SUSD1: variants seen among roughly 807,000 people sequenced by gnomAD.
The protein encoded by SUSD1 is sushi domain containing 1.
A neutral mutation model predicts 86.9 loss-of-function variants in SUSD1; 65 were observed. The ratio of observed to expected loss-of-function variants is 0.75; its 90% CI spans 0.61 to 0.92. SUSD1 has a LOEUF of 0.92. SUSD1 is among the 40% of genes least tolerant of loss of function. SUSD1 has a pLI of 0.00. For missense variants in SUSD1, 850 were observed against 929.7 expected (o/e 0.91, Z 1.11); for synonymous variants, 346 against 350.0 (o/e 0.99, Z 0.13).
At chr9:112,062,649 C>T (rs1047193961) in intron 13 of SUSD1, among the ~76,000 whole-genome samples, 2 of 151,944 alleles carry the variant, frequency 1.3e-5, no homozygotes, top group Admixed American at 1.3e-4. Flanking sequence ...GAGCTGAGAT[C>T]GCAACACTGT....
intron 3 of SUSD1, chr9:112,146,001 A>C (rs1832794247): frequency 6.6e-6 from 1 of 152,154 alleles, no homozygotes; most frequent in African/African-American, 2.4e-5. Context: ...CCTGAGCTTG[A>C]TGTTGACTCT....
intron 6 of SUSD1, among the ~76,000 whole-genome samples, chr9:112,119,590 A>C (rs759863888): frequency 2.0e-5 from 3 of 152,220 alleles, no homozygotes; most frequent in Non-Finnish European, 4.4e-5. Flanking sequence ...TCATTAACTC[A>C]GATTCTAAAC....
intron 8 of SUSD1, among the ~76,000 whole-genome samples, chr9:112,110,683 GC>G (rs1215581028): frequency 1.3e-5 from 2 of 150,824 alleles, no homozygotes; most frequent in African/African-American, 4.9e-5. Flanking sequence ...GAGTCACCGT[GC>G]CCCACCTGTC....
chr9:112,045,286 CT>C (rs1478490018), intron 15 of SUSD1, among the ~76,000 whole-genome samples: 2 of 152,090 alleles, frequency 1.3e-5, no homozygotes, highest in African/African-American at 4.8e-5. Flanking sequence ...GTATTTTTTC[CT>C]CTACACTTTA....
intron 1 of SUSD1, among the ~76,000 whole-genome samples, chr9:112,166,367 T>A (rs952118211): frequency 6.6e-6 from 1 of 152,166 alleles, no homozygotes; most frequent in South Asian, 2.1e-4. Context: ...CCAAGACAGC[T>A]GGTCATGCTT....
chr9:112,169,669 G>A lies in SUSD1; in HGVS notation c.103+5464C>T, dbSNP rs111377085. Among the ~76,000 whole-genome samples the A allele has an allele frequency of 6.1e-3, 900 of 146,772 alleles. 8 individuals are homozygous for A. The highest frequency in any genetic ancestry group is 0.021 in the African/African-American group (845 of 40,968). On this transcript the variant is annotated intron_variant, in intron 1 of 16. Transcript: ENST00000374270. ...CATACCTGATTCATTCTCCAGAAGG[G>A]TGTACCTTTTTTTTTTTTTTTTGAG...
chr9:112,164,931 C>T (rs1033942560), intron 1 of SUSD1, among the ~76,000 whole-genome samples: 2 of 152,104 alleles, frequency 1.3e-5, no homozygotes, highest in Admixed American at 1.3e-4. Context: ...GGCGACAGAG[C>T]GAAACTCAGT....
intron 12 of SUSD1, among the ~76,000 whole-genome samples, chr9:112,078,074 G>C (rs1829596648): frequency 6.6e-6 from 1 of 152,086 alleles, no homozygotes; most frequent in East Asian, 1.9e-4. Flanking sequence ...GCTGGGCGCA[G>C]TGGCTTACAC....
At chr9:112,108,774 C>CAAAAAAAAAAAAAAAAAA (rs11312103) in intron 8 of SUSD1, among the ~76,000 whole-genome samples, 3 of 68,600 alleles carry the variant, frequency 4.4e-5, no homozygotes, top group Non-Finnish European at 6.2e-5. Context: ...CTGGGTGTCT[C>CAAAAAAAAAAAAAAAAAA]AAAAAAAAAA....
intron 8 of SUSD1, among the ~76,000 whole-genome samples, chr9:112,107,465 T>C (rs890096268): frequency 1.3e-5 from 2 of 151,496 alleles, no homozygotes; most frequent in Admixed American, 6.6e-5. Context: ...AGTAAATAAA[T>C]AAATAAATAG....
At chr9:112,041,581 A>T (rs1300023934) in intron 16 of SUSD1, 89 bp from the exon 17 acceptor site, 1 of 773,460 alleles carries the variant, frequency 1.3e-6, no homozygotes, top group East Asian at 2.4e-5. Flanking sequence ...TCACACGCAC[A>T]CCCATGGGAG....
chr9:112,091,159 G>A (rs1031890970), intron 10 of SUSD1, among the ~76,000 whole-genome samples: 3 of 151,988 alleles, frequency 2.0e-5, no homozygotes, highest in Non-Finnish European at 4.4e-5. Context: ...CCAACTACAA[G>A]TATGGGTTTC....
At position 112,149,368 on chromosome 9, in the gene SUSD1, A is replaced by C. The variant is rs759090688; in HGVS notation, c.249T>G (p.Leu83=). 1.2e-6 allele frequency: 2 copies of C among 1,614,156 alleles called. No individual in the cohort carries two copies. The highest frequency in any genetic ancestry group is 1.7e-6 in the Non-Finnish European group (2 of 1,180,038). Residue 83 remains leucine (L), a synonymous_variant, in exon 3 of 17, where the codon CTT becomes CTG. Transcript: ENST00000374270. ...DKNECQFGAT[L]VCGNHTSCHN... ...GGCAAGATGTGTGGTTCCCACAGACAAGAGTGGCTCCAAACTGGCACTCAT... is the reference window on the plus strand; with the variant it reads ...GGCAAGATGTGTGGTTCCCACAGACCAGAGTGGCTCCAAACTGGCACTCAT...
chr9:112,086,614 A>G (rs1013826228), intron 10 of SUSD1, among the ~76,000 whole-genome samples: 1 of 151,770 alleles, frequency 6.6e-6, no homozygotes, highest in Admixed American at 6.6e-5. Context: ...CACTGACTAC[A>G]AGGAAAGGAT....
Position 112,070,099 on chromosome 9 carries a change from G to A in SUSD1, c.1754-7066C>T, listed in dbSNP as rs138831036. Among the ~76,000 whole-genome samples the A allele has an allele frequency of 3.9e-4, 59 of 152,106 alleles. 1 individual carries two copies. Among genetic ancestry groups the A allele is most frequent in the South Asian group, 2.1e-3 (10 of 4,818 alleles). Reference sequence around the variant, plus strand: ...CAGCTCACTGCAGCCTCCGCCTCCCGGGCTCAAGCAATTCTCCTGCCACAG... The same window carrying A: ...CAGCTCACTGCAGCCTCCGCCTCCCAGGCTCAAGCAATTCTCCTGCCACAG... On this transcript the variant is annotated intron_variant, in intron 12 of 16. Coordinates refer to ENST00000374270, the MANE Select transcript of SUSD1 (RefSeq NM_022486.5).
chr9:112,049,188 G>A (rs1018311323), intron 15 of SUSD1, among the ~76,000 whole-genome samples: 5 of 152,204 alleles, frequency 3.3e-5, no homozygotes, highest in Non-Finnish European at 7.3e-5. Flanking sequence ...GAAAATCAGA[G>A]AGGCGTGCCC....
At chr9:112,105,459 C>G (rs1038512622) in intron 8 of SUSD1, among the ~76,000 whole-genome samples, 6 of 152,186 alleles carry the variant, frequency 3.9e-5, no homozygotes, top group African/African-American at 1.4e-4. Flanking sequence ...TGGCTCACGC[C>G]TGTAATCCCA....
chr9:112,088,506 C>G (rs556063810), intron 10 of SUSD1, among the ~76,000 whole-genome samples: 5 of 152,254 alleles, frequency 3.3e-5, no homozygotes, highest in Admixed American at 3.3e-4. Context: ...TCAAACCAGG[C>G]CAGGTGCAGT....
At chr9:112,165,969 G>GAAAGAAAGAAAGAAAT (rs1564358290) in intron 1 of SUSD1, among the ~76,000 whole-genome samples, 2 of 150,966 alleles carry the variant, frequency 1.3e-5, no homozygotes, top group Non-Finnish European at 3.0e-5. Context: ...AAGAAAGAAA[G>GAAAGAAAGAAAGAAAT]AAAGAAAGAA....
Sources: allele counts gnomAD v4.1 joint callset (sites outside exome capture counted in the v4.1 genomes callset), GRCh38; gene constraint gnomAD v4.1.1; transcripts MANE v1.5; gene names NCBI Gene and HGNC (gene_info 2026-07-23, HGNC 2026-07-21).